RSRC1: variants seen among roughly 807,000 people sequenced by gnomAD.
RSRC1 encodes the protein arginine and serine rich coiled-coil 1.
Under a neutral mutation model 49.1 loss-of-function variants are expected in RSRC1, and 39 were observed. The observed-to-expected ratio is 0.79, with a 90% CI of 0.61 to 1.04. The LOEUF (loss-of-function observed/expected upper bound fraction) is 1.04. Ranked by LOEUF, RSRC1 falls within the 50% of genes least tolerant of loss-of-function variation. The pLI, the probability that RSRC1 is intolerant of heterozygous loss-of-function variation, is 0.00. For missense variants in RSRC1, 388 were observed against 402.4 expected (o/e 0.96, Z 0.31); for synonymous variants, 143 against 130.8 (o/e 1.09, Z -0.63).
chr3:158,118,067 A>G (rs1374360749), intron 1 of RSRC1, among the ~76,000 whole-genome samples: 1 of 152,066 alleles, frequency 6.6e-6, no homozygotes, highest in Admixed American at 6.5e-5. Flanking sequence ...CTCCTGCCTC[A>G]GTCTCCTGAG....
At chr3:158,519,952 A>C (rs1711564563) in intron 7 of RSRC1, among the ~76,000 whole-genome samples, 1 of 152,170 alleles carries the variant, frequency 6.6e-6, no homozygotes, top group Non-Finnish European at 1.5e-5. Flanking sequence ...AGTGAGGAAA[A>C]GGAAAACCAG....
intron 5 of RSRC1, among the ~76,000 whole-genome samples, chr3:158,305,191 G>A (rs1727769931): frequency 6.6e-6 from 1 of 151,936 alleles, no homozygotes; most frequent in African/African-American, 2.4e-5. Flanking sequence ...AGAAAGATTT[G>A]TGTGTTTTAT....
At chr3:158,396,014 A>G (rs1331298573) in intron 6 of RSRC1, among the ~76,000 whole-genome samples, 1 of 152,174 alleles carries the variant, frequency 6.6e-6, no homozygotes, top group Non-Finnish European at 1.5e-5. Context: ...ATAAAAAAGA[A>G]TAAGATCATG....
chr3:158,431,634 G>A (rs1578470183), intron 6 of RSRC1, among the ~76,000 whole-genome samples: 1 of 151,754 alleles, frequency 6.6e-6, no homozygotes, highest in East Asian at 2.0e-4. Flanking sequence ...ATTTCATTTT[G>A]TGGTATGTTG....
intron 4 of RSRC1, chr3:158,275,933 A>G: frequency 2.8e-6 from 2 of 722,926 alleles, no homozygotes; most frequent in Non-Finnish European, 4.9e-6. Context: ...TGCAGATGTG[A>G]GCCCACACAT....
intron 4 of RSRC1, among the ~76,000 whole-genome samples, chr3:158,247,944 A>G (rs1723996449): frequency 6.6e-6 from 1 of 152,236 alleles, no homozygotes; most frequent in African/African-American, 2.4e-5. Context: ...ACAAACAGAC[A>G]CATAGACCAA....
chr3:158,121,477 C>T (rs567474866), intron 1 of RSRC1, among the ~76,000 whole-genome samples: 4 of 152,230 alleles, frequency 2.6e-5, no homozygotes, highest in Admixed American at 1.3e-4. Flanking sequence ...ATAACCTCAT[C>T]AACTTTAGTA....
intron 5 of RSRC1, among the ~76,000 whole-genome samples, chr3:158,316,814 C>G (rs1268728839): frequency 1.3e-5 from 2 of 152,140 alleles, no homozygotes; most frequent in Non-Finnish European, 2.9e-5. Context: ...AAAGCATTGA[C>G]ATATAAGCCC....
intron 6 of RSRC1, among the ~76,000 whole-genome samples, chr3:158,373,518 G>A (rs186141194): frequency 3.7e-4 from 56 of 151,870 alleles, no homozygotes; most frequent in African/African-American, 1.2e-3. Context: ...CTATTGATAC[G>A]TTGCATTTCA....
At chr3:158,368,428 A>G (rs1434569718) in intron 6 of RSRC1, among the ~76,000 whole-genome samples, 1 of 152,230 alleles carries the variant, frequency 6.6e-6, no homozygotes, top group African/African-American at 2.4e-5. Context: ...AATCCTGGGT[A>G]GGAATACGTT....
chr3:158,122,028 A>G, intron 1 of RSRC1, 75 bp from the exon 2 acceptor site: 1 of 817,312 alleles, frequency 1.2e-6, no homozygotes, highest in Non-Finnish European at 1.7e-6. Context: ...TAAATGAAAT[A>G]AAAAATTAAT....
intron 3 of RSRC1, among the ~76,000 whole-genome samples, chr3:158,195,946 T>C (rs1720578355): frequency 6.6e-6 from 1 of 152,044 alleles, no homozygotes; most frequent in East Asian, 1.9e-4. Flanking sequence ...CCTCCAGCTT[T>C]GTTCTTTTGG....
At chr3:158,330,832 G>A (rs1729499075) in intron 5 of RSRC1, among the ~76,000 whole-genome samples, 1 of 151,174 alleles carries the variant, frequency 6.6e-6, no homozygotes, top group Admixed American at 6.6e-5. Context: ...TTTTACATCT[G>A]TATTAGTCTG....
chr3:158,497,370 C>G (rs533947953), intron 7 of RSRC1, among the ~76,000 whole-genome samples: 1 of 150,254 alleles, frequency 6.7e-6, no homozygotes, highest in South Asian at 2.1e-4. Flanking sequence ...ATACACTGCA[C>G]CACATTTGTA....
intron 4 of RSRC1, among the ~76,000 whole-genome samples, chr3:158,222,326 C>T (rs1005250737): frequency 6.6e-6 from 1 of 151,254 alleles, no homozygotes; most frequent in Non-Finnish European, 1.5e-5. Flanking sequence ...ACAAGCCAAG[C>T]AACATATTGT....
At chr3:158,388,274 A>C (rs1733069219) in intron 6 of RSRC1, among the ~76,000 whole-genome samples, 1 of 151,962 alleles carries the variant, frequency 6.6e-6, no homozygotes, top group African/African-American at 2.4e-5. Context: ...CTTAGACATA[A>C]TGAGATTATT....
intron 4 of RSRC1, among the ~76,000 whole-genome samples, chr3:158,278,280 A>G (rs1559973332): frequency 6.6e-6 from 1 of 152,240 alleles, no homozygotes; most frequent in Non-Finnish European, 1.5e-5. Flanking sequence ...AATGCAGGGA[A>G]TAACTGTAGG....
intron 6 of RSRC1, among the ~76,000 whole-genome samples, chr3:158,441,961 A>T (rs771007156): frequency 1.3e-5 from 2 of 152,142 alleles, no homozygotes; most frequent in Non-Finnish European, 2.9e-5. Flanking sequence ...TGCAAATCAC[A>T]AATTTTTTGA....
chr3:158,189,659 T>C (rs949333828), intron 3 of RSRC1, among the ~76,000 whole-genome samples: 9 of 152,084 alleles, frequency 5.9e-5, no homozygotes, highest in Admixed American at 5.3e-4. Context: ...GATGTTCATT[T>C]TGAAAGCTGC....
Sources: gnomAD v4.1 joint callset for allele counts (sites outside exome capture counted in the v4.1 genomes callset) on GRCh38, gnomAD v4.1.1 for gene constraint, MANE v1.5 for transcripts, NCBI Gene and HGNC (gene_info 2026-07-23, HGNC 2026-07-21) for gene names.